The following METAP1 variants were observed in gnomAD, a reference collection of about 807,000 sequenced individuals.
METAP1 encodes methionine aminopeptidase 1.
A neutral mutation model predicts 53.8 loss-of-function variants in METAP1; 28 were observed. That is an observed-to-expected ratio of 0.52 (90% CI 0.39 to 0.71). The LOEUF (loss-of-function observed/expected upper bound fraction) is 0.71. METAP1 is among the 30% of genes least tolerant of loss of function. The pLI is 0.00. For synonymous variants in METAP1, 181 were observed against 165.7 expected, an observed-to-expected ratio of 1.09 and a Z score of -0.71; for missense variants, 389 against 479.8, an observed-to-expected ratio of 0.81 and a Z score of 1.77.
At chr4:99,047,097 A>G (rs888133058) in intron 8 of METAP1, among the ~76,000 whole-genome samples, 9 of 152,142 alleles carry the variant, frequency 5.9e-5, no homozygotes, top group African/African-American at 1.9e-4. Flanking sequence ...ATTCCTTTGT[A>G]TATATCATTT....
intron 1 of METAP1, among the ~76,000 whole-genome samples, chr4:99,001,955 G>A (rs190032727): frequency 6.7e-6 from 1 of 149,618 alleles, no homozygotes; most frequent in African/African-American, 2.6e-5. Context: ...ACAAAAAAAC[G>A]AGCATCATTT....
At chr4:99,053,318 C>G (rs1433309333) in intron 9 of METAP1, among the ~76,000 whole-genome samples, 3 of 152,332 alleles carry the variant, frequency 2.0e-5, no homozygotes, top group East Asian at 1.9e-4. Flanking sequence ...GGCACGATCT[C>G]AGCTCACTGC....
chr4:99,015,357 A>G (rs1723697236), intron 1 of METAP1, among the ~76,000 whole-genome samples: 1 of 152,200 alleles, frequency 6.6e-6, no homozygotes, highest in Admixed American at 6.5e-5. Flanking sequence ...AGGAAGAGGG[A>G]GAAGGCGTAT....
intron 1 of METAP1, chr4:99,022,633 G>A (rs189037577): frequency 5.9e-6 from 5 of 842,960 alleles, no homozygotes; most frequent in Non-Finnish European, 9.7e-6. Context: ...CTGCCTGTGT[G>A]CACACCTGGC....
intron 4 of METAP1, among the ~76,000 whole-genome samples, chr4:99,038,490 T>C (rs1725597571): frequency 6.6e-6 from 1 of 152,090 alleles, no homozygotes; most frequent in Non-Finnish European, 1.5e-5. Flanking sequence ...GATTTGTCAG[T>C]ATTGAACTAT....
At chr4:99,031,772 T>C (rs758443486) in intron 2 of METAP1, 101 of 438,714 alleles carry the variant, frequency 2.3e-4, no homozygotes, top group Middle Eastern at 1.1e-3. Flanking sequence ...TTGTGTCAGC[T>C]GACCAGAGGA....
At chr4:99,037,688 G>C (rs890881355) in intron 4 of METAP1, 1 of 151,828 alleles carries the variant, frequency 6.6e-6, no homozygotes, top group African/African-American at 2.4e-5. Context: ...ATGTACCACT[G>C]CCAAACTTTT....
rs1369835111 is a variant in METAP1, at chr4:98,995,762, C to T, written c.9C>T (p.Ala3=). MA[A]VETRVCETDG... is the part of the protein sequence containing the mutation. ...TCCAGCGGGCAGGCAGCATGGCGGC[C>T]GTGGAGACGCGGGTGTGCGAGACAG... is the stretch of plus-strand genomic sequence containing the variant. Residue 3 remains alanine, a synonymous_variant, in exon 1 of 11, where the codon GCC becomes GCT. Coordinates refer to ENST00000296411, the MANE Select transcript of METAP1 (RefSeq NM_015143.3). 11 of 1,544,624 alleles carry T rather than the reference C, an allele frequency of 7.1e-6. No homozygotes were observed. Among genetic ancestry groups the T allele is most frequent in the African/African-American group, 1.4e-5 (1 of 72,100 alleles).
intron 1 of METAP1, chr4:99,023,893 G>A (rs1435587451): frequency 1.6e-6 from 1 of 644,994 alleles, no homozygotes; most frequent in South Asian, 6.9e-5. Context: ...TTCATGCAGA[G>A]CCAGCTGTGT....
At chr4:99,036,646 C>T (rs1045789421) in intron 4 of METAP1, among the ~76,000 whole-genome samples, 1 of 152,006 alleles carries the variant, frequency 6.6e-6, no homozygotes, top group Non-Finnish European at 1.5e-5. Flanking sequence ...ACAAATGTGT[C>T]TTATAAAGCC....
chr4:99,017,840 A>C (rs1723866012), intron 1 of METAP1, among the ~76,000 whole-genome samples: 1 of 152,248 alleles, frequency 6.6e-6, no homozygotes. Flanking sequence ...GCCACTGGCA[A>C]CTGGATCTAA....
At chr4:99,044,026 T>A (rs1038663255) in intron 7 of METAP1, among the ~76,000 whole-genome samples, 6 of 152,142 alleles carry the variant, frequency 3.9e-5, no homozygotes, top group Non-Finnish European at 7.4e-5. Flanking sequence ...TTGACTTCCC[T>A]GGCTCAGGTG....
At chr4:99,027,799 T>C (rs1724676327) in intron 1 of METAP1, among the ~76,000 whole-genome samples, 1 of 152,174 alleles carries the variant, frequency 6.6e-6, no homozygotes, top group Non-Finnish European at 1.5e-5. Context: ...TTTCTTTGCT[T>C]AACTGTTGCG....
intron 1 of METAP1, among the ~76,000 whole-genome samples, chr4:99,019,107 C>G (rs62325160): frequency 0.037 from 5,643 of 152,276 alleles, 135 homozygotes; most frequent in African/African-American, 0.058. Flanking sequence ...TTAGCTGCCT[C>G]ATTTTTGTAT....
At chr4:99,037,894 G>A (rs1443905913) in intron 4 of METAP1, 1 of 151,840 alleles carries the variant, frequency 6.6e-6, no homozygotes, top group South Asian at 2.1e-4. Flanking sequence ...ATTAATTTTG[G>A]AAGAATTGAC....
chr4:99,026,335 A>T, intron 1 of METAP1: 1 of 985,454 alleles, frequency 1.0e-6, no homozygotes, highest in Non-Finnish European at 1.2e-6. Context: ...AAAGTAGTAA[A>T]ACAAAGTGCT....
intron 1 of METAP1, among the ~76,000 whole-genome samples, chr4:99,015,563 G>A (rs1398525361): frequency 6.6e-6 from 1 of 152,172 alleles, no homozygotes; most frequent in Non-Finnish European, 1.5e-5. Context: ...TAGAGGTCCA[G>A]CCTCTGTATT....
At position 99,034,339 on chromosome 4, in the gene METAP1, A is replaced by G; in HGVS notation, c.276A>G (p.Pro92=). 6.8e-7 allele frequency: 1 copy of G among 1,474,416 alleles called. No individual in the cohort carries two copies. Among genetic ancestry groups the G allele is most frequent in the Non-Finnish European group, 9.3e-7 (1 of 1,077,574 alleles). 91.3% of individuals were successfully genotyped at this position (1,474,416 alleles called of 1,614,324 possible). A position where few individuals can be genotyped will look rare whatever the true frequency, so the allele number is the denominator to read the frequency against. The change falls in exon 3 of 11, where the codon CCA becomes CCG. Residue 92 remains proline (P), a synonymous_variant. Coordinates refer to ENST00000296411, the MANE Select transcript of METAP1 (RefSeq NM_015143.3). ...CTGGTAAACTCAGACCACATTATCC[A>G]CTGGTGAGTAAATAAGGTAATAAAA... ...RYTGKLRPHY[P]LMPTRPVPSY... is the part of the protein sequence containing the mutation.
intron 1 of METAP1, among the ~76,000 whole-genome samples, chr4:99,001,555 A>G (rs1722927689): frequency 6.6e-6 from 1 of 152,160 alleles, no homozygotes; most frequent in Non-Finnish European, 1.5e-5. Context: ...CTCATCCTTA[A>G]TGTCTTAACC....
Sources: allele counts gnomAD v4.1 joint callset (sites outside exome capture counted in the v4.1 genomes callset), GRCh38; gene constraint gnomAD v4.1.1; transcripts MANE v1.5; gene names NCBI Gene and HGNC (gene_info 2026-07-23, HGNC 2026-07-21).